OR14I1: variants seen among roughly 807,000 people sequenced by gnomAD.
OR14I1 encodes the protein olfactory receptor family 14 subfamily I member 1.
For missense variants in OR14I1, 279 were observed against 181.8 expected (o/e 1.53, Z -3.07); for synonymous variants, 118 against 71.1 (o/e 1.66, Z -3.32).
chr1:248,700,549 T>G, the OR14I1 span, among the ~76,000 whole-genome samples: 1 of 152,254 alleles, frequency 6.6e-6, no homozygotes, highest in African/African-American at 2.4e-5. Flanking sequence ...TAATCCTTTA[T>G]GTCTCTCAAA....
chr1:248,698,542 T>C, the OR14I1 span, among the ~76,000 whole-genome samples: 1 of 152,244 alleles, frequency 6.6e-6, no homozygotes, highest in African/African-American at 2.4e-5. Context: ...GACTTCTTAC[T>C]ACCATTGGCA....
upstream of OR14I1, among the ~76,000 whole-genome samples, chr1:248,683,689 A>G (rs2103133776): frequency 6.6e-6 from 1 of 152,390 alleles, no homozygotes; most frequent in East Asian, 1.9e-4. Context: ...TATAAATGAT[A>G]CAGTCACTTT....
exon 1 of OR14I1, chr1:248,681,600 G>A: frequency 1.3e-6 from 1 of 781,018 alleles, no homozygotes; most frequent in Non-Finnish European, 2.4e-6. Flanking sequence ...AGGTGGAGAA[G>A]GCTTTTGCTC....
the OR14I1 span, among the ~76,000 whole-genome samples, chr1:248,699,905 G>A: frequency 1.3e-5 from 2 of 152,092 alleles, no homozygotes; most frequent in African/African-American, 4.8e-5. Flanking sequence ...CTACAGGCAC[G>A]TGCCACCACG....
At chr1:248,686,460 G>A (rs1258636315), upstream of OR14I1, among the ~76,000 whole-genome samples, 3 of 152,008 alleles carry the variant, frequency 2.0e-5, no homozygotes, top group Non-Finnish European at 4.4e-5. Flanking sequence ...CAACACTGAG[G>A]AACAAAACCA....
chr1:248,681,278 A>G (rs763802061), downstream of OR14I1: 16 of 567,860 alleles, frequency 2.8e-5, no homozygotes, highest in Admixed American at 2.3e-4. Flanking sequence ...TCATCATTTC[A>G]TCAACAATTT....
At chr1:248,700,059 C>G in the OR14I1 span, among the ~76,000 whole-genome samples, 1 of 152,074 alleles carries the variant, frequency 6.6e-6, no homozygotes, top group African/African-American at 2.4e-5. Flanking sequence ...CGCGTCCGGC[C>G]CACTGCTGAC....
chr1:248,699,354 G>A, the OR14I1 span, among the ~76,000 whole-genome samples: 1 of 152,222 alleles, frequency 6.6e-6, no homozygotes. Context: ...TCTGCTTAAG[G>A]AGCCTGAGGG....
At chr1:248,694,316 A>C in the OR14I1 span, among the ~76,000 whole-genome samples, 3 of 152,196 alleles carry the variant, frequency 2.0e-5, no homozygotes, top group African/African-American at 7.2e-5. Context: ...CCCATTTTAA[A>C]AATTTACTTA....
chr1:248,682,963 T>C (rs984576667), upstream of OR14I1, among the ~76,000 whole-genome samples: 3 of 152,232 alleles, frequency 2.0e-5, no homozygotes, highest in African/African-American at 7.2e-5. Flanking sequence ...AACAATGCCA[T>C]TACCCATGTG....
At chr1:248,685,908 C>T (rs6698600), upstream of OR14I1, among the ~76,000 whole-genome samples, 124,191 of 151,168 alleles carry the variant, frequency 0.82, 51,516 homozygotes, top group Non-Finnish European at 0.88. Flanking sequence ...CAAAACAAAT[C>T]TATAGGGATG....
At chr1:248,688,421 G>A in the OR14I1 span, among the ~76,000 whole-genome samples, 41 of 152,322 alleles carry the variant, frequency 2.7e-4, no homozygotes, top group African/African-American at 9.6e-4. Context: ...AAATAAGCAG[G>A]TGAAAATAGT....
chr1:248,681,476 T>G, exon 1 of OR14I1: 1 of 781,036 alleles, frequency 1.3e-6, no homozygotes, highest in African/African-American at 1.7e-5. Flanking sequence ...GGCAAAACTG[T>G]GTATGTCAGA....
At chr1:248,683,272 A>G (rs1661593796), upstream of OR14I1, among the ~76,000 whole-genome samples, 1 of 152,108 alleles carries the variant, frequency 6.6e-6, no homozygotes, top group South Asian at 2.1e-4. Flanking sequence ...TTTTCTATAT[A>G]TTGTTTATCA....
downstream of OR14I1, among the ~76,000 whole-genome samples, chr1:248,679,964 T>C (rs1464439195): frequency 1.3e-5 from 2 of 152,224 alleles, no homozygotes; most frequent in African/African-American, 4.8e-5. Flanking sequence ...TTTAGAATTA[T>C]AAACAATATT....
At chr1:248,683,895 G>A (rs1240579579), upstream of OR14I1, among the ~76,000 whole-genome samples, 1 of 152,202 alleles carries the variant, frequency 6.6e-6, no homozygotes, top group African/African-American at 2.4e-5. Flanking sequence ...AGCTGAGCGT[G>A]GTGGCACATG....
the OR14I1 span, among the ~76,000 whole-genome samples, chr1:248,690,759 C>A: frequency 6.6e-6 from 1 of 151,630 alleles, no homozygotes; most frequent in African/African-American, 2.4e-5. Context: ...GATACCATAA[C>A]CTGGCAGAGA....
the OR14I1 span, among the ~76,000 whole-genome samples, chr1:248,693,178 C>T: frequency 6.6e-6 from 1 of 152,132 alleles, no homozygotes; most frequent in African/African-American, 2.4e-5. Flanking sequence ...CATCACCTCC[C>T]AAGCCAGCCT....
At chr1:248,688,961 A>G in the OR14I1 span, among the ~76,000 whole-genome samples, 1 of 152,142 alleles carries the variant, frequency 6.6e-6, no homozygotes, top group Non-Finnish European at 1.5e-5. Flanking sequence ...CAGGGAGTGT[A>G]GCCCTTGGGG....
Sources: allele counts gnomAD v4.1 joint callset (sites outside exome capture counted in the v4.1 genomes callset), GRCh38; gene constraint gnomAD v4.1.1; transcripts MANE v1.5; gene names NCBI Gene and HGNC (gene_info 2026-07-23, HGNC 2026-07-21).